Variants in ERBB4 observed in about 807,000 individuals in gnomAD.
ERBB4 encodes erb-b2 receptor tyrosine kinase 4, also known as receptor tyrosine-protein kinase erbB-4.
A neutral mutation model predicts 158.0 loss-of-function variants in ERBB4; 42 were observed. The observed-to-expected ratio is 0.27, with a 90% CI of 0.21 to 0.34. ERBB4 has a LOEUF of 0.34. ERBB4 is among the 10% of genes least tolerant of loss of function. ERBB4 has a pLI of 1.00. For synonymous variants in ERBB4, 583 were observed against 558.7 expected (o/e 1.04, Z -0.61); for missense variants, 1,333 against 1,624.1 (o/e 0.82, Z 3.08).
At chr2:211,625,316 C>A (rs1436117965) in intron 17 of ERBB4, among the ~76,000 whole-genome samples, 1 of 152,188 alleles carries the variant, frequency 6.6e-6, no homozygotes, top group Non-Finnish European at 1.5e-5. Context: ...AATTCAAAAT[C>A]TCTATCTCCA....
At chr2:212,352,520 T>G (rs1242466507) in intron 1 of ERBB4, among the ~76,000 whole-genome samples, 1 of 152,104 alleles carries the variant, frequency 6.6e-6, no homozygotes, top group Non-Finnish European at 1.5e-5. Flanking sequence ...TATTCTTAGA[T>G]TCATTAAATG....
At chr2:212,154,703 C>A (rs2080980252) in intron 1 of ERBB4, among the ~76,000 whole-genome samples, 1 of 151,820 alleles carries the variant, frequency 6.6e-6, no homozygotes, top group Admixed American at 6.6e-5. Context: ...TAATATTGTG[C>A]CTTTATTTCT....
In ERBB4 at chr2:211,546,753, G is replaced by C. The variant is rs1344490654; in HGVS notation, c.2487+15150C>G. 2.6e-5 allele frequency among the ~76,000 whole-genome samples: 4 copies of C among 152,088 alleles called. No homozygotes were observed. The East Asian group carries it at 7.7e-4, about 29-fold the overall frequency. On this transcript the variant is annotated intron_variant, in intron 20 of 27. Transcript: ENST00000342788. ...ACTATATTTTTTGTACAAATCCATA[G>C]AGGATACCCTTTCAAGGAAGACTGA...
intron 3 of ERBB4, among the ~76,000 whole-genome samples, chr2:211,847,016 T>C (rs1486790198): frequency 4.6e-5 from 7 of 152,078 alleles, no homozygotes; most frequent in African/African-American, 1.7e-4. Context: ...GGAAGTTAAG[T>C]GAAGCAGTGG....
At chr2:212,521,842 A>G (rs1034203767) in intron 1 of ERBB4, among the ~76,000 whole-genome samples, 2 of 151,940 alleles carry the variant, frequency 1.3e-5, no homozygotes, top group African/African-American at 2.4e-5. Context: ...TTTACTTCGC[A>G]TGATCAATTC....
chr2:212,428,968 T>C (rs951573283), intron 1 of ERBB4, among the ~76,000 whole-genome samples: 2 of 152,108 alleles, frequency 1.3e-5, no homozygotes, highest in African/African-American at 4.8e-5. Flanking sequence ...AACTACTTTA[T>C]GAGACATTCA....
intron 2 of ERBB4, among the ~76,000 whole-genome samples, chr2:212,097,944 A>T (rs1340513102): frequency 6.6e-6 from 1 of 152,198 alleles, no homozygotes; most frequent in African/African-American, 2.4e-5. Context: ...CGAACATATT[A>T]GATAGAAAGT....
intron 1 of ERBB4, among the ~76,000 whole-genome samples, chr2:212,242,182 AT>A (rs937832435): frequency 6.6e-6 from 1 of 151,904 alleles, no homozygotes; most frequent in African/African-American, 2.4e-5. Context: ...CAAGTAGGCA[AT>A]TTTTTCCAAT....
At chr2:211,516,730 T>A (rs2066044837) in intron 20 of ERBB4, among the ~76,000 whole-genome samples, 1 of 152,110 alleles carries the variant, frequency 6.6e-6, no homozygotes, top group Admixed American at 6.5e-5. Flanking sequence ...CACGCTGCAG[T>A]CAGAGTGTAT....
intron 20 of ERBB4, among the ~76,000 whole-genome samples, chr2:211,466,334 T>G (rs1352204041): frequency 8.7e-6 from 1 of 115,248 alleles, no homozygotes; most frequent in Non-Finnish European, 1.7e-5. Context: ...TTTGTGTAGT[T>G]TTTTTTTTTT....
chr2:211,829,967 G>C (rs1302043560), intron 3 of ERBB4, among the ~76,000 whole-genome samples: 1 of 152,158 alleles, frequency 6.6e-6, no homozygotes, highest in Non-Finnish European at 1.5e-5. Context: ...ATTACTTGGA[G>C]TGAATATAAC....
At chr2:211,654,416 C>G (rs2071131525) in intron 16 of ERBB4, among the ~76,000 whole-genome samples, 1 of 152,176 alleles carries the variant, frequency 6.6e-6, no homozygotes, top group Non-Finnish European at 1.5e-5. Flanking sequence ...GAACAATTAA[C>G]TATTGCTATG....
chr2:211,959,523 T>C (rs2081124250), intron 2 of ERBB4, among the ~76,000 whole-genome samples: 1 of 152,134 alleles, frequency 6.6e-6, no homozygotes, highest in African/African-American at 2.4e-5. Flanking sequence ...ACATAATTGT[T>C]ACTTAGAGAG....
At chr2:212,277,410 C>T (rs377625155) in intron 1 of ERBB4, among the ~76,000 whole-genome samples, 8 of 151,756 alleles carry the variant, frequency 5.3e-5, no homozygotes, top group African/African-American at 1.4e-4. Context: ...GGATTCTACA[C>T]GATTTCACCC....
intron 14 of ERBB4, among the ~76,000 whole-genome samples, chr2:211,668,245 G>A (rs2071703777): frequency 1.3e-5 from 2 of 152,174 alleles, no homozygotes; most frequent in African/African-American, 4.8e-5. Flanking sequence ...GTTATGAAGT[G>A]CATGACTGTA....
intron 1 of ERBB4, among the ~76,000 whole-genome samples, chr2:212,470,509 G>A (rs1447231657): frequency 6.6e-6 from 1 of 152,126 alleles, no homozygotes; most frequent in African/African-American, 2.4e-5. Flanking sequence ...ATTAAGGGAA[G>A]AAGAGAACCT....
At chr2:212,325,018 C>CA (rs77736755) in intron 1 of ERBB4, among the ~76,000 whole-genome samples, 9 of 149,034 alleles carry the variant, frequency 6.0e-5, no homozygotes, top group East Asian at 2.0e-4. Context: ...ACAAGCAACC[C>CA]AAAAAAAAAC....
intron 25 of ERBB4, among the ~76,000 whole-genome samples, chr2:211,392,118 C>A (rs1426936770): frequency 6.6e-6 from 1 of 152,158 alleles, no homozygotes; most frequent in African/African-American, 2.4e-5. Flanking sequence ...GGTTCTCAAC[C>A]TTTTATCCTC....
intron 20 of ERBB4, among the ~76,000 whole-genome samples, chr2:211,499,273 C>T (rs758115962): frequency 6.6e-6 from 1 of 151,986 alleles, no homozygotes; most frequent in Non-Finnish European, 1.5e-5. Flanking sequence ...GCTTGTAATC[C>T]CAGCACTTTG....
Sources: gnomAD v4.1 joint callset for allele counts (sites outside exome capture counted in the v4.1 genomes callset) on GRCh38, gnomAD v4.1.1 for gene constraint, MANE v1.5 for transcripts, NCBI Gene and HGNC (gene_info 2026-07-23, HGNC 2026-07-21) for gene names.